NR2C2: variants seen among roughly 807,000 people sequenced by gnomAD.
The protein encoded by NR2C2 is Nuclear hormone receptor TR4.
A neutral mutation model predicts 62.9 loss-of-function variants in NR2C2; 6 were observed. The ratio of observed to expected loss-of-function variants is 0.10; its 90% CI spans 0.05 to 0.19. The LOEUF is 0.19. NR2C2 is among the 10% of genes least tolerant of loss of function. The pLI, the probability that NR2C2 is intolerant of heterozygous loss-of-function variation, is 1.00. For synonymous variants in NR2C2, 272 were observed against 273.8 expected (o/e 0.99, Z 0.07); for missense variants, 479 against 762.7 (o/e 0.63, Z 4.38).
intron 1 of NR2C2, among the ~76,000 whole-genome samples, chr3:15,001,820 G>T (rs58254866): frequency 0.014 from 2,062 of 152,064 alleles, 48 homozygotes; most frequent in African/African-American, 0.047. Context: ...GTCTTGCTTT[G>T]TTGTCCGGAC....
intron 2 of NR2C2, among the ~76,000 whole-genome samples, chr3:15,009,270 G>C (rs2041283038): frequency 6.6e-6 from 1 of 152,138 alleles, no homozygotes; most frequent in South Asian, 2.1e-4. Flanking sequence ...AAGCCTTGTA[G>C]ATTCTTTGTG....
intron 12 of NR2C2, chr3:15,038,475 C>G (rs1209216686): frequency 5.0e-6 from 1 of 198,450 alleles, no homozygotes; most frequent in Non-Finnish European, 1.0e-5. Flanking sequence ...TGCCAGTTTC[C>G]AAGTTTTGTT....
intron 1 of NR2C2, among the ~76,000 whole-genome samples, chr3:14,963,602 G>A (rs1219499726): frequency 2.6e-5 from 4 of 151,868 alleles, no homozygotes; most frequent in African/African-American, 9.7e-5. Flanking sequence ...CCGAGTAGCT[G>A]GGACTACAGG....
At chr3:14,986,567 G>A (rs1042470943) in intron 1 of NR2C2, among the ~76,000 whole-genome samples, 6 of 152,192 alleles carry the variant, frequency 3.9e-5, no homozygotes, top group Admixed American at 1.3e-4. Flanking sequence ...CTTACGGTAT[G>A]TCTTGCCACA....
chr3:14,975,922 T>TA (rs2125309472), intron 1 of NR2C2, among the ~76,000 whole-genome samples: 1 of 152,180 alleles, frequency 6.6e-6, no homozygotes, highest in South Asian at 2.1e-4. Flanking sequence ...GTTTCTTTTT[T>TA]AAAAAATATA....
At chr3:14,991,508 A>AGGG (rs2040669647) in intron 1 of NR2C2, among the ~76,000 whole-genome samples, 1 of 152,208 alleles carries the variant, frequency 6.6e-6, no homozygotes, top group South Asian at 2.1e-4. Context: ...ACCCTACTTA[A>AGGG]GGGTTTTACA....
chr3:15,036,987 T>G (rs2042119615), intron 11 of NR2C2, among the ~76,000 whole-genome samples: 2 of 151,896 alleles, frequency 1.3e-5, no homozygotes, highest in South Asian at 4.1e-4. Context: ...CCTGACATGG[T>G]GGTGAGTGCC....
chr3:14,952,370 G>A lies in NR2C2; in HGVS notation c.-40+4464G>A, dbSNP rs553602609. Among the ~76,000 whole-genome samples the A allele has an allele frequency of 1.1e-4, 17 of 152,294 alleles. No homozygotes were observed. The South Asian group carries it at 2.1e-3, about 19-fold the overall frequency. ...TGTCTCCACATATCGAGGGCCCTCC[G>A]TTGGGATTTTTATTGTTGAGTTCTC... On this transcript the variant is annotated intron_variant, in intron 1 of 13. Coordinates refer to ENST00000425241, the MANE Select transcript of NR2C2 (RefSeq NM_001291694.2).
At chr3:15,006,490 A>C (rs2041175416) in intron 2 of NR2C2, among the ~76,000 whole-genome samples, 1 of 152,140 alleles carries the variant, frequency 6.6e-6, no homozygotes, top group African/African-American at 2.4e-5. Flanking sequence ...GTGAGTGGGC[A>C]GGTGGGTATG....
At chr3:14,965,670 T>G (rs1291182970) in intron 1 of NR2C2, among the ~76,000 whole-genome samples, 2 of 148,990 alleles carry the variant, frequency 1.3e-5, no homozygotes, top group Non-Finnish European at 3.0e-5. Context: ...TTTGTTTTTG[T>G]TTTTTTTTGA....
intron 1 of NR2C2, among the ~76,000 whole-genome samples, chr3:14,976,492 C>T (rs1199085193): frequency 6.6e-6 from 1 of 151,982 alleles, no homozygotes; most frequent in Non-Finnish European, 1.5e-5. Context: ...CCTCTGACCT[C>T]CTGCTGTAGT....
At chr3:14,965,522 CAAAAAAA>C (rs545143806) in intron 1 of NR2C2, among the ~76,000 whole-genome samples, 9,759 of 79,728 alleles carry the variant, frequency 0.12, 329 homozygotes, top group South Asian at 0.29. Context: ...TTTCCCATGG[CAAAAAAA>C]AAAAAAAAAA....
chr3:14,973,607 G>A lies in NR2C2; in HGVS notation c.-40+25701G>A, dbSNP rs192575857. Among the ~76,000 whole-genome samples the A allele has an allele frequency of 4.2e-3, 631 of 151,904 alleles. 13 individuals carry two copies. The highest frequency in any genetic ancestry group is 6.8e-3 in the Middle Eastern group (2 of 294). On this transcript the variant is annotated intron_variant, in intron 1 of 13. Transcript: ENST00000425241. ...GTTTAGGTCTATGATCCAGTTATAC[G>A]GTATTGTATAAGGAGTCTGACTTCT...
chr3:15,039,097 G>C lies in NR2C2; in HGVS notation c.1511-25G>C, dbSNP rs535516368. 2.1e-4 allele frequency: 327 copies of C among 1,538,528 alleles called. 2 individuals carry two copies. Among genetic ancestry groups the C allele is most frequent in the African/African-American group, 2.7e-4 (20 of 73,272 alleles). ...GACTTTTCAAATACAGAGGGAACTG[G>C]GGGGGGGTACTTTTCTGTTTTCAGA... is the stretch of plus-strand genomic sequence containing the variant. On this transcript the variant is annotated intron_variant, in intron 12 of 13. Coordinates refer to ENST00000425241, the MANE Select transcript of NR2C2 (RefSeq NM_001291694.2).
At chr3:15,036,067 G>A (rs2042095303) in intron 11 of NR2C2, among the ~76,000 whole-genome samples, 1 of 152,022 alleles carries the variant, frequency 6.6e-6, no homozygotes, top group African/African-American at 2.4e-5. Context: ...GCGCATGCCT[G>A]TAATTCCAGC....
At chr3:15,004,652 A>T (rs1467192587) in intron 2 of NR2C2, 1 of 1,607,472 alleles carries the variant, frequency 6.2e-7, no homozygotes, top group Non-Finnish European at 8.5e-7. Flanking sequence ...GCTGGGAGGA[A>T]GGGATAATAT....
At chr3:15,020,510 T>C (rs2041642379) in intron 4 of NR2C2, among the ~76,000 whole-genome samples, 1 of 152,214 alleles carries the variant, frequency 6.6e-6, no homozygotes, top group African/African-American at 2.4e-5. Context: ...CCAGCTGTCA[T>C]ATAACCTGTC....
chr3:15,029,792 A>AATACATAGATAGATAGATAG (rs55834583), intron 8 of NR2C2, among the ~76,000 whole-genome samples: 4 of 139,194 alleles, frequency 2.9e-5, no homozygotes, highest in Non-Finnish European at 4.6e-5. Context: ...GTAAATAAAT[A>AATACATAGATAGATAGATAG]ATAGATAGAT....
intron 1 of NR2C2, among the ~76,000 whole-genome samples, chr3:14,997,751 C>T (rs2040872716): frequency 6.6e-6 from 1 of 152,070 alleles, no homozygotes; most frequent in African/African-American, 2.4e-5. Flanking sequence ...AATTTAATAG[C>T]CCAGTAATGA....
Sources: gnomAD v4.1 joint callset for allele counts (sites outside exome capture counted in the v4.1 genomes callset) on GRCh38, gnomAD v4.1.1 for gene constraint, MANE v1.5 for transcripts, NCBI Gene and HGNC (gene_info 2026-07-23, HGNC 2026-07-21) for gene names.